Variants in TEX9 observed in about 807,000 individuals in gnomAD.
TEX9 encodes testis-expressed protein 9.
A neutral mutation model predicts 59.6 loss-of-function variants in TEX9; 74 were observed. The ratio of observed to expected loss-of-function variants is 1.24; its 90% confidence interval spans 1.03 to 1.51. The LOEUF is 1.51. Among genes scored for constraint, TEX9 ranks in the 40% most tolerant of loss-of-function variants. The pLI is 0.00. For missense variants in TEX9, 522 were observed against 447.8 expected, an observed-to-expected ratio of 1.17 and a Z score of -1.49; for synonymous variants, 186 against 152.2, an observed-to-expected ratio of 1.22 and a Z score of -1.64.
At chr15:56,252,907 T>C (rs1360402727) in intron 1 of TEX9, among the ~76,000 whole-genome samples, 2 of 152,098 alleles carry the variant, frequency 1.3e-5, no homozygotes, top group South Asian at 2.1e-4. Context: ...TAATGAAAAA[T>C]ATTTCTGAAA....
At chr15:56,276,031 G>A (rs1291278132) in intron 1 of TEX9, among the ~76,000 whole-genome samples, 1 of 151,904 alleles carries the variant, frequency 6.6e-6, no homozygotes, top group East Asian at 1.9e-4. Flanking sequence ...TTCTTTGAAG[G>A]CAACATGTTT....
chr15:56,410,727 G>C (rs1313052211), intron 9 of TEX9, among the ~76,000 whole-genome samples: 1 of 152,136 alleles, frequency 6.6e-6, no homozygotes, highest in East Asian at 1.9e-4. Context: ...CTGTGAAATA[G>C]GTTACAAAGT....
At chr15:56,383,115 C>A (rs2047805438) in intron 3 of TEX9, among the ~76,000 whole-genome samples, 1 of 152,220 alleles carries the variant, frequency 6.6e-6, no homozygotes, top group Non-Finnish European at 1.5e-5. Flanking sequence ...CCAGATGCTT[C>A]CTCCATGCAT....
At chr15:56,403,882 A>C (rs1291057321) in intron 9 of TEX9, among the ~76,000 whole-genome samples, 1 of 152,264 alleles carries the variant, frequency 6.6e-6, no homozygotes, top group Non-Finnish European at 1.5e-5. Context: ...GAAATGGGGA[A>C]AGGAGTCCCT....
chr15:56,339,042 G>A (rs747043180), intron 1 of TEX9, among the ~76,000 whole-genome samples: 89 of 152,006 alleles, frequency 5.9e-4, no homozygotes, highest in Non-Finnish European at 1.2e-3. Flanking sequence ...TGTTCTGTGG[G>A]AGGGCCTAGT....
At chr15:56,378,759 T>C (rs1273047623) in intron 3 of TEX9, among the ~76,000 whole-genome samples, 1 of 152,132 alleles carries the variant, frequency 6.6e-6, no homozygotes, top group African/African-American at 2.4e-5. Flanking sequence ...GTTCTTGCTT[T>C]TCTGGTTCTT....
chr15:56,387,170 A>G (rs1242380485), intron 4 of TEX9, among the ~76,000 whole-genome samples: 1 of 151,984 alleles, frequency 6.6e-6, no homozygotes, highest in Non-Finnish European at 1.5e-5. Flanking sequence ...ATACCATACT[A>G]TAGCTTACTT....
upstream of TEX9, chr15:56,365,338 A>G: frequency 6.5e-6 from 9 of 1,389,358 alleles, no homozygotes; most frequent in Middle Eastern, 2.6e-4. Context: ...CGCTCGCAGC[A>G]CAGAACCTGA....
the TEX9 span, chr15:56,456,313 A>ATT: frequency 7.5e-7 from 1 of 1,326,284 alleles, no homozygotes; most frequent in Non-Finnish European, 1.0e-6. Flanking sequence ...AAACAAAGAA[A>ATT]TTTCACTTTC....
chr15:56,331,263 A>G (rs1487158138), intron 1 of TEX9, among the ~76,000 whole-genome samples: 1 of 152,210 alleles, frequency 6.6e-6, no homozygotes, highest in Non-Finnish European at 1.5e-5. Context: ...GAAAATCAGC[A>G]AGGAAACATC....
At chr15:56,404,652 A>G (rs576764017) in intron 9 of TEX9, among the ~76,000 whole-genome samples, 2 of 152,332 alleles carry the variant, frequency 1.3e-5, no homozygotes, top group African/African-American at 4.8e-5. Context: ...CAAAGATTAT[A>G]AATCATGCTA....
At chr15:56,294,770 T>C (rs773764004) in intron 1 of TEX9, among the ~76,000 whole-genome samples, 1 of 152,170 alleles carries the variant, frequency 6.6e-6, no homozygotes, top group African/African-American at 2.4e-5. Context: ...GAAATATAAA[T>C]TGGAATTTGA....
chr15:56,418,880 T>C (rs534527910), intron 10 of TEX9, among the ~76,000 whole-genome samples: 1 of 152,020 alleles, frequency 6.6e-6, no homozygotes, highest in East Asian at 1.9e-4. Flanking sequence ...CCAATGAGCA[T>C]TTATTATAAC....
intron 1 of TEX9, among the ~76,000 whole-genome samples, chr15:56,326,835 C>T (rs1202327989): frequency 6.6e-6 from 1 of 152,164 alleles, no homozygotes; most frequent in Non-Finnish European, 1.5e-5. Flanking sequence ...AAAAAGCCCT[C>T]AGGCATGGAG....
chr15:56,260,679 C>T lies in TEX9; in HGVS notation c.-107+16401C>T, dbSNP rs148692920. Among the ~76,000 whole-genome samples the T allele has an allele frequency of 4.5e-4, 68 of 151,918 alleles. 1 individual carries two copies. The South Asian group carries it at 6.2e-3, about 14-fold the overall frequency. Reference sequence around the variant, plus strand: ...TTGTTCTAATTTTTGTCCCTATGTTCGTAAGAATTATTAGCTTGTAACTTT... The same window carrying T: ...TTGTTCTAATTTTTGTCCCTATGTTTGTAAGAATTATTAGCTTGTAACTTT... On this transcript the variant is annotated intron_variant, in intron 1 of 5. Transcript: ENST00000560827.
chr15:56,272,556 A>G (rs1174969055), intron 1 of TEX9, among the ~76,000 whole-genome samples: 4 of 152,200 alleles, frequency 2.6e-5, no homozygotes, highest in Admixed American at 2.6e-4. Context: ...ATTTTGAATA[A>G]TGCTGCTATG....
chr15:56,329,093 C>T (rs2046087609), intron 1 of TEX9, among the ~76,000 whole-genome samples: 1 of 152,178 alleles, frequency 6.6e-6, no homozygotes, highest in Non-Finnish European at 1.5e-5. Context: ...GAAGCACTCT[C>T]CATTTGTTGG....
chr15:56,247,135 C>T (rs938778004), intron 1 of TEX9, among the ~76,000 whole-genome samples: 1 of 152,298 alleles, frequency 6.6e-6, no homozygotes, highest in African/African-American at 2.4e-5. Flanking sequence ...TTGTCTTGCT[C>T]TCTTGTGTCT....
chr15:56,363,258 A>G (rs1372059953), upstream of TEX9, among the ~76,000 whole-genome samples: 2 of 147,978 alleles, frequency 1.4e-5, no homozygotes, highest in Non-Finnish European at 3.0e-5. Flanking sequence ...TCTACACGTT[A>G]TTGTCCATCC....
Sources: gnomAD v4.1 joint callset for allele counts (sites outside exome capture counted in the v4.1 genomes callset) on GRCh38, gnomAD v4.1.1 for gene constraint, MANE v1.5 for transcripts, NCBI Gene and HGNC (gene_info 2026-07-23, HGNC 2026-07-21) for gene names.